The following ESR2 variants were observed in gnomAD, a reference collection of about 807,000 sequenced individuals.
ESR2 encodes estrogen receptor 2, also known as estrogen receptor beta.
A neutral mutation model predicts 49.6 loss-of-function variants in ESR2; 36 were observed. The observed-to-expected ratio is 0.73, with a 90% CI of 0.56 to 0.96. The LOEUF is 0.96. ESR2 is among the 40% of genes least tolerant of loss of function. The probability of loss-of-function intolerance (pLI) is 0.00; values close to 1 mark genes in which losing one functional copy is unlikely to be tolerated. For synonymous variants in ESR2, 320 were observed against 266.1 expected (o/e 1.20, Z -1.97); for missense variants, 714 against 693.0 (o/e 1.03, Z -0.34).
chr14:64,291,392 C>A (rs2076867826), intron 1 of ESR2, among the ~76,000 whole-genome samples: 2 of 152,176 alleles, frequency 1.3e-5, no homozygotes, highest in South Asian at 4.1e-4. Flanking sequence ...CTAGGAAGGC[C>A]AACTATCCAG....
rs189272672 is a variant in ESR2 at position 64,276,439 on chromosome 14, A to G, written c.535+3542T>C. Among the ~76,000 whole-genome samples the G allele has an allele frequency of 4.6e-5, 7 of 152,300 alleles. No homozygotes were observed. In the East Asian group the frequency reaches 1.4e-3, roughly 29 times the overall value. On this transcript the variant is annotated intron_variant, in intron 3 of 8. Transcript: ENST00000341099. ...CTATACATCACGTATCAATGTAGCA[A>G]GGTTTTTTTCTTTTTGATAAGAGTC...
intron 1 of ESR2, among the ~76,000 whole-genome samples, chr14:64,307,390 T>C (rs1369300115): frequency 6.6e-6 from 1 of 151,250 alleles, no homozygotes; most frequent in African/African-American, 2.4e-5. Context: ...TTTTTTTGTA[T>C]TTTTAGTAGA....
upstream of ESR2, among the ~76,000 whole-genome samples, chr14:64,299,328 C>G (rs1055395263): frequency 6.6e-6 from 1 of 151,522 alleles, no homozygotes; most frequent in African/African-American, 2.4e-5. Context: ...TGGAAAGTTA[C>G]TATAACTGCC....
chr14:64,264,501 T>C (rs1347710669), intron 4 of ESR2, among the ~76,000 whole-genome samples: 1 of 152,194 alleles, frequency 6.6e-6, no homozygotes, highest in Non-Finnish European at 1.5e-5. Context: ...CTGGGATACA[T>C]GTGCAGAACA....
At chr14:64,329,051 G>C (rs796249472) in intron 1 of ESR2, among the ~76,000 whole-genome samples, 1 of 152,090 alleles carries the variant, frequency 6.6e-6, no homozygotes, top group Admixed American at 6.6e-5. Flanking sequence ...TATTGTAGGA[G>C]AAAAATGGAA....
chr14:64,246,932 A>T (rs2075873088), intron 7 of ESR2, among the ~76,000 whole-genome samples: 1 of 152,076 alleles, frequency 6.6e-6, no homozygotes, highest in Admixed American at 6.6e-5. Context: ...TTGAGACTTA[A>T]CTAGGAAATG....
At chr14:64,269,821 T>G (rs539319863) in intron 3 of ESR2, among the ~76,000 whole-genome samples, 4 of 152,312 alleles carry the variant, frequency 2.6e-5, no homozygotes, top group East Asian at 1.9e-4. Context: ...TTAATTCTCT[T>G]ATGCAAGGAA....
At chr14:64,251,742 G>C (rs891106069) in intron 6 of ESR2, among the ~76,000 whole-genome samples, 3 of 152,140 alleles carry the variant, frequency 2.0e-5, no homozygotes, top group Non-Finnish European at 4.4e-5. Flanking sequence ...AGGTGTGACA[G>C]TCAACCATTT....
At chr14:64,253,560 TTGTGTGTGTGTGTGTGTGTGTGTG>T (rs752711685) in intron 6 of ESR2, among the ~76,000 whole-genome samples, 1 of 136,642 alleles carries the variant, frequency 7.3e-6, no homozygotes, top group East Asian at 2.1e-4. Context: ...GGTACACTAT[TTGTGTGTGTGTGTGTGTGTGTGTG>T]TGTGTGTGTG....
intron 1 of ESR2, among the ~76,000 whole-genome samples, chr14:64,335,244 G>A (rs1373346335): frequency 6.6e-6 from 1 of 152,170 alleles, no homozygotes; most frequent in Non-Finnish European, 1.5e-5. Context: ...GGCCTCCTGT[G>A]ATACATTAAG....
At chr14:64,285,400 T>G (rs1294292210) in intron 1 of ESR2, among the ~76,000 whole-genome samples, 1 of 152,190 alleles carries the variant, frequency 6.6e-6, no homozygotes, top group Non-Finnish European at 1.5e-5. Context: ...TTAAGAAACA[T>G]GCAAACTGCA....
chr14:64,318,063 T>C (rs2077279133), intron 1 of ESR2, among the ~76,000 whole-genome samples: 1 of 152,174 alleles, frequency 6.6e-6, no homozygotes, highest in Non-Finnish European at 1.5e-5. Flanking sequence ...GAAACTGTTT[T>C]TGTTCACAGA....
rs995826376 is a variant in ESR2 at position 64,231,925 on chromosome 14, G to T, written c.*1212C>A. On this transcript the variant is annotated 3_prime_UTR_variant, in exon 9 of 9. Coordinates refer to ENST00000341099, the MANE Select transcript of ESR2 (RefSeq NM_001437.3). ...TGGAATAAGAACTAATATTTTTACT[G>T]TTTCTTTTTCACCCTGCCCACCATA... is the stretch of plus-strand genomic sequence containing the variant. 3 of 151,984 alleles carry T rather than the reference G, an allele frequency of 2.0e-5. No individual in the cohort carries two copies. Among genetic ancestry groups the T allele is most frequent in the Non-Finnish European group, 4.4e-5 (3 of 68,008 alleles). The allele number at this position is 151,984 out of a possible 1,614,324, so 9.4% of individuals were successfully genotyped here.
chr14:64,332,384 T>C (rs2077470818), intron 1 of ESR2: 1 of 152,190 alleles, frequency 6.6e-6, no homozygotes, highest in African/African-American at 2.4e-5. Flanking sequence ...AATAACAGAA[T>C]AAAGATGGTC....
In ESR2 at chr14:64,335,817, T is replaced by C. The variant is rs932004137; in HGVS notation, c.-91+2081A>G. On this transcript the variant is annotated intron_variant, in intron 1 of 8. Transcript: ENST00000358599. ...AACACCTTTTTTTTTTTTTTTTTTTTTTTTGAGATGAAGTCTCACTCTGTA... is the reference window on the plus strand; with the variant it reads ...AACACCTTTTTTTTTTTTTTTTTTTCTTTTGAGATGAAGTCTCACTCTGTA... The C allele has an allele frequency of 4.9e-3, 720 of 148,058 alleles. 2 individuals carry two copies. The highest frequency in any genetic ancestry group is 0.017 in the African/African-American group (665 of 39,782). The allele number at this position is 148,058 out of a possible 1,614,324, so 9.2% of individuals were successfully genotyped here.
At position 64,294,038 on chromosome 14, in the gene ESR2, A is replaced by C. The variant is rs1354514073; in HGVS notation, c.-96T>G. 1 of 152,272 alleles carries C rather than the reference A, an allele frequency of 6.6e-6. No homozygotes were observed. Among genetic ancestry groups the C allele is most frequent in the Non-Finnish European group, 1.5e-5 (1 of 68,048 alleles). The allele number at this position is 152,272 out of a possible 1,614,324, so 9.4% of individuals were successfully genotyped here. ...TCGAGCGAAGGGGCGCTTACCTTGC[A>C]GATAAACACACCGGCCTTGCCTTCT... On this transcript the variant is annotated 5_prime_UTR_variant, in exon 1 of 9. Transcript: ENST00000341099.
intron 1 of ESR2, among the ~76,000 whole-genome samples, chr14:64,315,521 C>G (rs2077243346): frequency 6.6e-6 from 1 of 151,988 alleles, no homozygotes; most frequent in Non-Finnish European, 1.5e-5. Flanking sequence ...GTTGCCCAGG[C>G]TGGAGTGCAG....
At chr14:64,303,025 C>A (rs2077045615) in intron 1 of ESR2, among the ~76,000 whole-genome samples, 1 of 152,114 alleles carries the variant, frequency 6.6e-6, no homozygotes, top group African/African-American at 2.4e-5. Context: ...GTCTCCAACT[C>A]CCGACCTCAG....
intron 4 of ESR2, among the ~76,000 whole-genome samples, chr14:64,267,745 G>T (rs1043998518): frequency 1.3e-5 from 2 of 151,584 alleles, no homozygotes; most frequent in Admixed American, 6.6e-5. Flanking sequence ...TTAGCCAGGC[G>T]TGGTGGTGGG....
Sources: allele counts gnomAD v4.1 joint callset (sites outside exome capture counted in the v4.1 genomes callset), GRCh38; gene constraint gnomAD v4.1.1; transcripts MANE v1.5; gene names NCBI Gene and HGNC (gene_info 2026-07-23, HGNC 2026-07-21).